The following ITIH5 variants were observed in gnomAD, a reference collection of about 807,000 sequenced individuals.
The protein encoded by ITIH5 is inter-alpha-trypsin inhibitor heavy chain H5.
Under a neutral mutation model 77.5 loss-of-function variants are expected in ITIH5, and 65 were observed. The ratio of observed to expected loss-of-function variants is 0.84; its 90% confidence interval spans 0.69 to 1.03. ITIH5 has a LOEUF of 1.03. Ranked by LOEUF, ITIH5 falls within the 50% of genes least tolerant of loss-of-function variation. The pLI, the probability that ITIH5 is intolerant of heterozygous loss-of-function variation, is 0.00. For synonymous variants in ITIH5, 525 were observed against 494.3 expected (o/e 1.06, Z -0.82); for missense variants, 1,208 against 1,213.1 (o/e 1.00, Z 0.06).
intron 9 of ITIH5, chr10:7,578,295 C>T (rs1342154831): frequency 3.6e-5 from 6 of 167,520 alleles, no homozygotes; most frequent in African/African-American, 1.4e-4. Flanking sequence ...AATACACCTA[C>T]CTCCTAGGAT....
intron 13 of ITIH5, 110 bp downstream of exon 13, chr10:7,565,920 C>T: frequency 6.9e-7 from 1 of 1,441,526 alleles, no homozygotes; most frequent in Non-Finnish European, 9.3e-7. Flanking sequence ...ATGAAAACCA[C>T]ATTCCTATTG....
At chr10:7,563,410 G>C (rs749390531) in intron 13 of ITIH5, 26 bp from the exon 14 acceptor site, 6 of 1,599,582 alleles carry the variant, frequency 3.8e-6, no homozygotes, top group Admixed American at 1.7e-5. Flanking sequence ...AAAGCATCGG[G>C]TCTCAGTCAA....
At chr10:7,659,161 GAGGTCAAGAGT>G (rs1271833600) in intron 1 of ITIH5, among the ~76,000 whole-genome samples, 3 of 152,128 alleles carry the variant, frequency 2.0e-5, no homozygotes, top group African/African-American at 7.2e-5. Flanking sequence ...TGGATCACCT[GAGGTCAAGAGT>G]TCGAAACCAA....
intron 7 of ITIH5, among the ~76,000 whole-genome samples, chr10:7,595,068 T>TA (rs1832868076): frequency 6.6e-6 from 1 of 152,070 alleles, no homozygotes; most frequent in Admixed American, 6.5e-5. Context: ...AGAGATCTTT[T>TA]AAAAATTCCA....
Position 7,562,876 on chromosome 10 carries a change from G to C in ITIH5, c.*207C>G. 1.6e-6 allele frequency: 1 copy of C among 620,686 alleles called. No individual in the cohort carries two copies. The highest frequency in any genetic ancestry group is 2.6e-5 in the East Asian group (1 of 37,762). 38.4% of individuals were successfully genotyped at this position (620,686 alleles called of 1,614,324 possible). On this transcript the variant is annotated 3_prime_UTR_variant, in exon 14 of 14. Coordinates refer to ENST00000397146, the MANE Select transcript of ITIH5 (RefSeq NM_030569.7). ...GAGAGGCAGGAAGAGGCAGTAGAGG[G>C]AAATGACATTTGCACTCAGGCTTCC...
Position 7,585,836 on chromosome 10 carries a change from A to AAC in ITIH5, c.1108+64_1108+65insGT, listed in dbSNP as rs377056239. ...TCCTTATCTCTTGGCAAAAAAAAAAAAAAACCAAAAAAAAAAACATTATTT... is the reference window on the plus strand; with the variant it reads ...TCCTTATCTCTTGGCAAAAAAAAAAAACAAAACCAAAAAAAAAAACATTATTT... On this transcript the variant is annotated intron_variant, in intron 8 of 13. Coordinates refer to ENST00000397146, the MANE Select transcript of ITIH5 (RefSeq NM_030569.7). 27 of 1,445,822 alleles carry AAC rather than the reference A, an allele frequency of 1.9e-5. No individual in the cohort carries two copies. In the African/African-American group the frequency reaches 2.8e-4, roughly 15 times the overall value. The allele number at this position is 1,445,822 out of a possible 1,614,324, so 89.6% of individuals were successfully genotyped here. A position where few individuals can be genotyped will look rare whatever the true frequency, so the allele number is the denominator to read the frequency against.
intron 7 of ITIH5, among the ~76,000 whole-genome samples, chr10:7,594,613 C>T (rs1588384545): frequency 9.7e-6 from 1 of 102,934 alleles, no homozygotes; most frequent in Admixed American, 1.1e-4. Context: ...GCCTGATTCG[C>T]GAGGGGATTA....
chr10:7,565,417 TATAC>T (rs1804695672), intron 13 of ITIH5, among the ~76,000 whole-genome samples: 1 of 150,022 alleles, frequency 6.7e-6, no homozygotes, highest in Admixed American at 6.6e-5. Flanking sequence ...ACATAGACAG[TATAC>T]ATACATATAT....
At chr10:7,641,231 G>A (rs113009479) in intron 3 of ITIH5, among the ~76,000 whole-genome samples, 3,271 of 152,162 alleles carry the variant, frequency 0.021, 127 homozygotes, top group African/African-American at 0.075. Context: ...ATCCAATCTA[G>A]TATATCAAAG....
At chr10:7,606,726 A>G (rs1002032943) in intron 7 of ITIH5, among the ~76,000 whole-genome samples, 1 of 152,182 alleles carries the variant, frequency 6.6e-6, no homozygotes, top group African/African-American at 2.4e-5. Flanking sequence ...TGCCTCTTAA[A>G]CCTAAAATAA....
intron 7 of ITIH5, among the ~76,000 whole-genome samples, chr10:7,589,446 G>A (rs972128151): frequency 2.0e-5 from 3 of 152,052 alleles, no homozygotes; most frequent in African/African-American, 4.8e-5. Context: ...GCGACAGAGC[G>A]AGACTCTATC....
At chr10:7,597,574 C>G (rs532950993) in intron 7 of ITIH5, among the ~76,000 whole-genome samples, 1 of 137,014 alleles carries the variant, frequency 7.3e-6, no homozygotes, top group African/African-American at 2.6e-5. Flanking sequence ...CCTCTGTACC[C>G]CAGAGACACC....
At chr10:7,663,281 G>A (rs540267590) in intron 1 of ITIH5, among the ~76,000 whole-genome samples, 26 of 152,284 alleles carry the variant, frequency 1.7e-4, no homozygotes, top group African/African-American at 5.3e-4. Flanking sequence ...ACATTACAGC[G>A]GTAGTCAGAG....
intron 6 of ITIH5, 35 bp from the exon 7 acceptor site, chr10:7,616,133 C>T (rs748447471): frequency 1.3e-5 from 17 of 1,282,334 alleles, no homozygotes; most frequent in Non-Finnish European, 1.6e-5. Context: ...AACGGTAGTA[C>T]CTAGAGCGGG....
rs769320978 is a variant in ITIH5 at position 7,666,830 on chromosome 10, C to T, written c.63G>A (p.Ala21=). 13 of 1,609,056 alleles carry T rather than the reference C, an allele frequency of 8.1e-6. No homozygotes were observed. The Admixed American group carries it at 8.4e-5, about 10-fold the overall frequency. The stretch of plus-strand genomic sequence containing the variant: ...GCTCCGAAGAGTGGCCCCAGCTCTG[C>T]GCCTCTTCCTGCGACCCCACACACA... ...LSLCVGSQEE[A]QSWGHSSEQD... Residue 21 remains alanine (A), a synonymous_variant, in exon 1 of 14, where the codon GCG becomes GCA. Coordinates refer to ENST00000397146, the MANE Select transcript of ITIH5 (RefSeq NM_030569.7).
intron 1 of ITIH5, among the ~76,000 whole-genome samples, chr10:7,660,852 C>T (rs1472529732): frequency 6.6e-6 from 1 of 152,216 alleles, no homozygotes; most frequent in Admixed American, 6.5e-5. Flanking sequence ...AGGTTTGCAT[C>T]CTCCATTCTT....
chr10:7,565,748 T>C (rs574066192), intron 13 of ITIH5, among the ~76,000 whole-genome samples: 1 of 148,734 alleles, frequency 6.7e-6, no homozygotes, highest in South Asian at 2.1e-4. Flanking sequence ...TATATACACA[T>C]ATGCAGTCTG....
chr10:7,604,282 C>T (rs1023094494), intron 7 of ITIH5, among the ~76,000 whole-genome samples: 1 of 152,164 alleles, frequency 6.6e-6, no homozygotes, highest in Non-Finnish European at 1.5e-5. Context: ...TTTCCTCTGC[C>T]TACTCTCCCC....
rs144636496 is a variant in ITIH5 at position 7,564,490 on chromosome 10, C to A, written c.2528-1106G>T. Reference sequence around the variant, plus strand: ...CTATGTCTAGATATGTTTAGATGAACAAATACTTATCATCGTGTTGCAATT... The same window carrying A: ...CTATGTCTAGATATGTTTAGATGAAAAAATACTTATCATCGTGTTGCAATT... On this transcript the variant is annotated intron_variant, in intron 13 of 13. Coordinates refer to ENST00000397146, the MANE Select transcript of ITIH5 (RefSeq NM_030569.7). 2.2e-3 allele frequency among the ~76,000 whole-genome samples: 340 copies of A among 152,148 alleles called. 4 individuals carry two copies. The highest frequency in any genetic ancestry group is 3.9e-3 in the Non-Finnish European group (267 of 68,004).
Sources: gnomAD v4.1 joint callset for allele counts (sites outside exome capture counted in the v4.1 genomes callset) on GRCh38, gnomAD v4.1.1 for gene constraint, MANE v1.5 for transcripts, NCBI Gene and HGNC (gene_info 2026-07-23, HGNC 2026-07-21) for gene names.